ATP6V1H: variants seen among roughly 807,000 people sequenced by gnomAD.
The protein encoded by ATP6V1H is V-type proton ATPase subunit H.
In ATP6V1H, 39 loss-of-function variants were observed where a neutral mutation model predicts 71.7. The observed-to-expected ratio is 0.54, with a 90% CI of 0.42 to 0.71. The LOEUF (loss-of-function observed/expected upper bound fraction) is 0.71. Among genes scored for constraint, ATP6V1H ranks in the 30% least tolerant of loss-of-function variants. The pLI is 0.00. For missense variants in ATP6V1H, 509 were observed against 594.9 expected (o/e 0.86, Z 1.50); for synonymous variants, 192 against 199.3 (o/e 0.96, Z 0.31).
At chr8:53,754,684 C>T (rs1807929101) in intron 12 of ATP6V1H, among the ~76,000 whole-genome samples, 1 of 152,202 alleles carries the variant, frequency 6.6e-6, no homozygotes, top group South Asian at 2.1e-4. Flanking sequence ...TGAGTTAATG[C>T]CTGGCTTCCA....
intron 1 of ATP6V1H, among the ~76,000 whole-genome samples, chr8:53,842,341 CG>C (rs1811370046): frequency 6.6e-6 from 1 of 152,156 alleles, no homozygotes; most frequent in African/African-American, 2.4e-5. Context: ...CCAACAATGG[CG>C]GTCTGGCTGG....
At position 53,843,242 on chromosome 8, in the gene ATP6V1H, G is replaced by T. The variant is rs1425746619; in HGVS notation, c.-244C>A. The T allele has an allele frequency of 2.0e-5, 3 of 152,548 alleles. No individual in the cohort carries two copies. Among genetic ancestry groups the T allele is most frequent in the East Asian group, 3.9e-4 (2 of 5,194 alleles). The allele number at this position is 152,548 out of a possible 1,614,324, so 9.4% of individuals were successfully genotyped here. A position where few individuals can be genotyped will look rare whatever the true frequency, so the allele number is the denominator to read the frequency against. ...GGAGACGTTGAGGGCCGCACAGGTA[G>T]AAGGAAGCCAGGGCGGCCGCAGTAG... On this transcript the variant is annotated 5_prime_UTR_variant, in exon 1 of 14. Transcript: ENST00000359530.
intron 3 of ATP6V1H, among the ~76,000 whole-genome samples, chr8:53,830,746 AAAAG>A (rs1810979788): frequency 6.6e-6 from 1 of 152,322 alleles, no homozygotes; most frequent in Non-Finnish European, 1.5e-5. Context: ...AAATGAGAAA[AAAAG>A]AAAAGAAAGG....
Position 53,748,889 on chromosome 8 carries a change from C to A in ATP6V1H, c.1278-5199G>T, listed in dbSNP as rs145300184. On this transcript the variant is annotated intron_variant, in intron 12 of 13. Coordinates refer to ENST00000359530, the MANE Select transcript of ATP6V1H (RefSeq NM_015941.4). Reference sequence around the variant, plus strand: ...AATAAAAGGTTTGTGCCACTATCAACACAATTTAATTTGTATTTACACATG... The same window carrying A: ...AATAAAAGGTTTGTGCCACTATCAAAACAATTTAATTTGTATTTACACATG... Among the ~76,000 whole-genome samples the A allele has an allele frequency of 2.3e-3, 346 of 152,308 alleles. 2 individuals are homozygous for A. Among genetic ancestry groups the A allele is most frequent in the African/African-American group, 8.1e-3 (335 of 41,554 alleles).
rs949088356 is a variant in ATP6V1H, at chr8:53,719,331, C to T, written c.1392-3307G>A. On this transcript the variant is annotated intron_variant, in intron 13 of 13. Transcript: ENST00000359530. ...GATTACAGGCACGCACCACCACGCT[C>T]GGCTAATTTTTGTATTTTCAGTAGA... Among the ~76,000 whole-genome samples, 7 of 152,088 alleles carry T rather than the reference C, an allele frequency of 4.6e-5. No homozygotes were observed. The East Asian group carries it at 5.8e-4, about 13-fold the overall frequency.
chr8:53,786,746 A>G (rs536673530), intron 9 of ATP6V1H, among the ~76,000 whole-genome samples: 1 of 152,378 alleles, frequency 6.6e-6, no homozygotes, highest in South Asian at 2.1e-4. Flanking sequence ...CAAATCCAGT[A>G]TAAACATCAT....
chr8:53,736,421 T>C (rs1807205497), intron 13 of ATP6V1H, among the ~76,000 whole-genome samples: 1 of 152,196 alleles, frequency 6.6e-6, no homozygotes, highest in South Asian at 2.1e-4. Flanking sequence ...ATAACTATAC[T>C]CTGACTAATT....
At chr8:53,743,798 C>A (rs2291218) in intron 12 of ATP6V1H, 108 bp from the exon 13 acceptor site, 1 of 663,594 alleles carries the variant, frequency 1.5e-6, no homozygotes, top group Non-Finnish European at 2.6e-6. Context: ...TAACAATGTA[C>A]GTAAATAAAC....
chr8:53,780,812 T>C (rs759951740), intron 9 of ATP6V1H, among the ~76,000 whole-genome samples: 11 of 152,190 alleles, frequency 7.2e-5, no homozygotes, highest in African/African-American at 2.7e-4. Context: ...GTCCTTGTGA[T>C]AGTTTGCTGA....
At chr8:53,810,827 A>G (rs1585813161) in intron 7 of ATP6V1H, among the ~76,000 whole-genome samples, 1 of 152,216 alleles carries the variant, frequency 6.6e-6, no homozygotes, top group Non-Finnish European at 1.5e-5. Flanking sequence ...GATATTAGAC[A>G]GTTTAATCAG....
At chr8:53,829,976 C>T (rs1810951683) in intron 3 of ATP6V1H, among the ~76,000 whole-genome samples, 1 of 152,116 alleles carries the variant, frequency 6.6e-6, no homozygotes, top group African/African-American at 2.4e-5. Flanking sequence ...TACATGACAA[C>T]CTCTCCATAA....
chr8:53,825,552 T>C (rs1385483896), intron 4 of ATP6V1H, among the ~76,000 whole-genome samples: 1 of 151,486 alleles, frequency 6.6e-6, no homozygotes, highest in African/African-American at 2.4e-5. Flanking sequence ...TGCTGGAGCA[T>C]GAATACACAG....
At chr8:53,800,045 G>A (rs1265473539) in intron 8 of ATP6V1H, among the ~76,000 whole-genome samples, 1 of 152,194 alleles carries the variant, frequency 6.6e-6, no homozygotes, top group Admixed American at 6.5e-5. Context: ...GGCACAGTGT[G>A]TCTACATAAC....
At chr8:53,772,918 A>AC (rs1398132458) in intron 9 of ATP6V1H, among the ~76,000 whole-genome samples, 5 of 151,430 alleles carry the variant, frequency 3.3e-5, no homozygotes, top group Non-Finnish European at 5.9e-5. Flanking sequence ...AAAAAAAAAA[A>AC]AAAACAAAAC....
intron 13 of ATP6V1H, among the ~76,000 whole-genome samples, chr8:53,734,224 T>C (rs910866089): frequency 6.6e-6 from 1 of 152,178 alleles, no homozygotes; most frequent in Non-Finnish European, 1.5e-5. Flanking sequence ...CCCCAACACC[T>C]TGCTCTCAGT....
chr8:53,794,817 GA>G (rs1250714604), intron 9 of ATP6V1H, among the ~76,000 whole-genome samples: 1 of 152,168 alleles, frequency 6.6e-6, no homozygotes, highest in African/African-American at 2.4e-5. Context: ...GTATAGCAAA[GA>G]TACCTATATA....
intron 13 of ATP6V1H, among the ~76,000 whole-genome samples, chr8:53,733,953 G>C (rs1262458892): frequency 1.3e-5 from 2 of 152,164 alleles, no homozygotes; most frequent in Non-Finnish European, 2.9e-5. Flanking sequence ...GAGGCTGGTG[G>C]CCTACCTCTC....
At chr8:53,749,024 T>C (rs1004748731) in intron 12 of ATP6V1H, among the ~76,000 whole-genome samples, 5 of 152,224 alleles carry the variant, frequency 3.3e-5, no homozygotes, top group African/African-American at 1.2e-4. Flanking sequence ...TCAGCAAGTA[T>C]TATGCCCTAC....
intron 4 of ATP6V1H, among the ~76,000 whole-genome samples, chr8:53,820,515 T>A (rs1810615396): frequency 6.6e-6 from 1 of 151,662 alleles, no homozygotes; most frequent in African/African-American, 2.4e-5. Flanking sequence ...AAAATTTTTT[T>A]AATTAGCAAG....
Sources: gnomAD v4.1 joint callset for allele counts (sites outside exome capture counted in the v4.1 genomes callset) on GRCh38, gnomAD v4.1.1 for gene constraint, MANE v1.5 for transcripts, NCBI Gene and HGNC (gene_info 2026-07-23, HGNC 2026-07-21) for gene names.